Variants in CSMD1 observed in about 807,000 individuals in gnomAD.
The protein encoded by CSMD1 is CUB and sushi domain-containing protein 1.
Under a neutral mutation model 417.5 loss-of-function variants are expected in CSMD1, and 213 were observed. The ratio of observed to expected loss-of-function variants is 0.51; its 90% CI spans 0.46 to 0.57. CSMD1 has a LOEUF of 0.57. Among genes scored for constraint, CSMD1 ranks in the 20% least tolerant of loss-of-function variants. The probability of loss-of-function intolerance (pLI) is 0.00; values close to 1 mark genes in which losing one functional copy is unlikely to be tolerated. For synonymous variants in CSMD1, 2,862 were observed against 1,736.8 expected, an observed-to-expected ratio of 1.65 and a Z score of -16.11; for missense variants, 6,923 against 4,529.7, an observed-to-expected ratio of 1.53 and a Z score of -15.17.
intron 5 of CSMD1, among the ~76,000 whole-genome samples, chr8:3,935,782 T>C (rs1411943243): frequency 1.3e-5 from 2 of 152,148 alleles, no homozygotes; most frequent in Non-Finnish European, 2.9e-5. Flanking sequence ...GGCCAATTAA[T>C]AAGCCTACAG....
intron 41 of CSMD1, among the ~76,000 whole-genome samples, chr8:3,137,738 A>G (rs1029010206): frequency 1.3e-5 from 2 of 152,334 alleles, no homozygotes; most frequent in Middle Eastern, 3.4e-3. Context: ...AACGATGATA[A>G]GAAAAAGAGT....
At chr8:4,531,862 C>T (rs1178195709) in intron 2 of CSMD1, among the ~76,000 whole-genome samples, 25 of 151,822 alleles carry the variant, frequency 1.6e-4, no homozygotes, top group Admixed American at 1.6e-3. Context: ...GCACCGCATT[C>T]AGTCACTCCG....
At chr8:3,279,490 C>T (rs1431726996) in intron 26 of CSMD1, among the ~76,000 whole-genome samples, 1 of 152,128 alleles carries the variant, frequency 6.6e-6, no homozygotes, top group Non-Finnish European at 1.5e-5. Flanking sequence ...CTTTACAGAA[C>T]TGTATTTTTT....
In CSMD1 at chr8:2,969,200, G is replaced by C. The variant is rs527287915; in HGVS notation, c.8924-2454C>G. ...ATGTAAAATGCCTAGTGTGAGATCTGATGTATTAGTGGTAGCAATGAGTTA... is the reference window on the plus strand; with the variant it reads ...ATGTAAAATGCCTAGTGTGAGATCTCATGTATTAGTGGTAGCAATGAGTTA... On this transcript the variant is annotated intron_variant, in intron 57 of 69. Transcript: ENST00000635120. Among the ~76,000 whole-genome samples the C allele has an allele frequency of 3.3e-4, 50 of 152,262 alleles. 1 individual carries two copies. The highest frequency in any genetic ancestry group is 1.2e-3 in the African/African-American group (48 of 41,566).
chr8:3,530,518 C>T (rs566846611), intron 10 of CSMD1, among the ~76,000 whole-genome samples: 12 of 152,012 alleles, frequency 7.9e-5, no homozygotes, highest in East Asian at 3.9e-4. Context: ...TGAATCTTTT[C>T]GTTTTGTTTT....
chr8:4,199,186 C>T (rs959963113), intron 3 of CSMD1, among the ~76,000 whole-genome samples: 1 of 151,358 alleles, frequency 6.6e-6, no homozygotes, highest in Admixed American at 6.6e-5. Context: ...ATCCTACTTT[C>T]AGAAACATTA....
At chr8:3,635,483 C>CTT (rs562990317) in intron 7 of CSMD1, among the ~76,000 whole-genome samples, 221 of 125,896 alleles carry the variant, frequency 1.8e-3, no homozygotes, top group African/African-American at 6.2e-3. Context: ...GACTCCATCT[C>CTT]TTTTTTTTTT....
At chr8:4,787,586 G>A (rs920297830) in intron 1 of CSMD1, 19 of 1,531,014 alleles carry the variant, frequency 1.2e-5, no homozygotes, top group Non-Finnish European at 1.6e-5. Flanking sequence ...ACCCCAGTGC[G>A]AAATGATTCC....
intron 25 of CSMD1, among the ~76,000 whole-genome samples, chr8:3,291,221 A>G (rs4875164): frequency 0.97 from 147,088 of 152,256 alleles, 71,244 homozygotes; most frequent in East Asian, 1. Context: ...GCTGGATTCC[A>G]TTTGCCAGTA....
rs1183283968 is a variant in CSMD1, at chr8:4,004,222, A to T, written c.611-6112T>A. Among the ~76,000 whole-genome samples the T allele has an allele frequency of 2.0e-5, 3 of 152,060 alleles. No individual in the cohort carries two copies. The East Asian group carries it at 5.8e-4, about 29-fold the overall frequency. ...TTATGAGGGATTTAAAAACTCCTTC[A>T]ATCTTTTGTCAAGAAATAGTTTAAC... On this transcript the variant is annotated intron_variant, in intron 4 of 69. Coordinates refer to ENST00000635120, the MANE Select transcript of CSMD1 (RefSeq NM_033225.6).
At chr8:4,945,408 A>G (rs527914291) in intron 1 of CSMD1, among the ~76,000 whole-genome samples, 12 of 152,210 alleles carry the variant, frequency 7.9e-5, no homozygotes, top group Non-Finnish European at 1.5e-4. Flanking sequence ...ATTTCATATT[A>G]TGTATATTTT....
At chr8:4,948,657 C>A (rs935941252) in intron 1 of CSMD1, among the ~76,000 whole-genome samples, 2 of 151,876 alleles carry the variant, frequency 1.3e-5, no homozygotes, top group African/African-American at 4.8e-5. Flanking sequence ...AAATATGTTG[C>A]TAGGTTGCTA....
At chr8:3,889,493 A>ATATATAT (rs1491523329) in intron 5 of CSMD1, among the ~76,000 whole-genome samples, 17 of 44,382 alleles carry the variant, frequency 3.8e-4, no homozygotes, top group African/African-American at 6.6e-4. Flanking sequence ...ATATATATAT[A>ATATATAT]AAATATGCTC....
chr8:4,709,322 C>G (rs910656400), intron 1 of CSMD1, among the ~76,000 whole-genome samples: 5 of 152,164 alleles, frequency 3.3e-5, no homozygotes, highest in African/African-American at 1.2e-4. Flanking sequence ...AGGTTGATAC[C>G]TGAGGCCTCT....
At chr8:4,176,687 C>A (rs145614695) in intron 3 of CSMD1, among the ~76,000 whole-genome samples, 3,744 of 151,004 alleles carry the variant, frequency 0.025, 173 homozygotes, top group African/African-American at 0.086. Context: ...GGAAAGCCAT[C>A]TCACGTGCAG....
At chr8:4,440,693 T>C (rs1241674336) in intron 2 of CSMD1, among the ~76,000 whole-genome samples, 1 of 152,190 alleles carries the variant, frequency 6.6e-6, no homozygotes, top group Non-Finnish European at 1.5e-5. Context: ...CAATGTATTA[T>C]TTTACAAATT....
At chr8:3,445,637 G>C (rs1290711698) in intron 12 of CSMD1, among the ~76,000 whole-genome samples, 2 of 152,122 alleles carry the variant, frequency 1.3e-5, no homozygotes, top group Admixed American at 1.3e-4. Flanking sequence ...TCACTTGGGA[G>C]ACAGCTGTAA....
intron 1 of CSMD1, 144 bp downstream of exon 1, chr8:4,994,188 C>T (rs1811632614): frequency 4.4e-6 from 3 of 687,014 alleles, no homozygotes; most frequent in Non-Finnish European, 7.4e-6. Flanking sequence ...CCGTGCATCG[C>T]GTTCCCCGAG....
intron 2 of CSMD1, among the ~76,000 whole-genome samples, chr8:4,459,350 C>T (rs1049732753): frequency 1.3e-5 from 2 of 152,180 alleles, no homozygotes; most frequent in Admixed American, 6.5e-5. Flanking sequence ...ATCAAGCTCT[C>T]ACCTCAGACC....
Sources: allele counts gnomAD v4.1 joint callset (sites outside exome capture counted in the v4.1 genomes callset), GRCh38; gene constraint gnomAD v4.1.1; transcripts MANE v1.5; gene names NCBI Gene and HGNC (gene_info 2026-07-23, HGNC 2026-07-21).